Variants in KCNAB1 observed in about 807,000 individuals in gnomAD.
The protein encoded by KCNAB1 is voltage-gated potassium channel subunit beta-1.
Under a neutral mutation model 64.6 loss-of-function variants are expected in KCNAB1, and 35 were observed. The ratio of observed to expected loss-of-function variants is 0.54; its 90% CI spans 0.41 to 0.72. The LOEUF (loss-of-function observed/expected upper bound fraction) is 0.72. KCNAB1 is among the 30% of genes least tolerant of loss of function. KCNAB1 has a pLI of 0.00. For missense variants in KCNAB1, 401 were observed against 512.9 expected (o/e 0.78, Z 2.11); for synonymous variants, 177 against 183.8 (o/e 0.96, Z 0.30).
At chr3:156,211,798 C>A (rs1715025458) in intron 1 of KCNAB1, among the ~76,000 whole-genome samples, 1 of 152,172 alleles carries the variant, frequency 6.6e-6, no homozygotes, top group African/African-American at 2.4e-5. Context: ...ATGTGACAGT[C>A]CAGGTGGTGT....
chr3:156,305,050 C>G (rs1576700835), intron 1 of KCNAB1, among the ~76,000 whole-genome samples: 1 of 151,904 alleles, frequency 6.6e-6, no homozygotes, highest in South Asian at 2.1e-4. Flanking sequence ...ACTCGAGTAT[C>G]AGTTTACTTC....
chr3:156,428,841 G>T (rs190363142), intron 2 of KCNAB1, among the ~76,000 whole-genome samples: 9 of 152,210 alleles, frequency 5.9e-5, no homozygotes, highest in Admixed American at 5.2e-4. Context: ...GTGAAGGAGA[G>T]AAAGAACACC....
intron 2 of KCNAB1, among the ~76,000 whole-genome samples, chr3:156,439,300 A>C (rs1188284052): frequency 6.7e-6 from 1 of 149,912 alleles, no homozygotes; most frequent in Non-Finnish European, 1.5e-5. Flanking sequence ...GAGATAAACA[A>C]GTCTCAAAAT....
chr3:156,452,151 G>A lies in KCNAB1; in HGVS notation c.320-748G>A, dbSNP rs550650765. Reference sequence around the variant, plus strand: ...AGGGAATAAATCCTCCTTTTAGGAGGATCTATCCATAAAGGATGGAATGAA... The same window carrying A: ...AGGGAATAAATCCTCCTTTTAGGAGAATCTATCCATAAAGGATGGAATGAA... On this transcript the variant is annotated intron_variant, in intron 2 of 13. Coordinates refer to ENST00000490337, the MANE Select transcript of KCNAB1 (RefSeq NM_172160.3). The surrounding 1 kb of genome is among the most constrained non-coding windows in gnomAD (Gnocchi z 4.6). 7.2e-5 allele frequency among the ~76,000 whole-genome samples: 11 copies of A among 152,302 alleles called. No individual in the cohort carries two copies. In the East Asian group the frequency reaches 1.7e-3, roughly 24 times the overall value.
At chr3:156,143,365 G>A (rs779782736) in intron 1 of KCNAB1, 9 of 1,609,374 alleles carry the variant, frequency 5.6e-6, no homozygotes, top group Admixed American at 1.7e-5. Context: ...GTTTCTACGT[G>A]TTCATGGAAT....
rs1232444427 is a variant in KCNAB1, at chr3:156,452,335, C to G, written c.320-564C>G. On this transcript the variant is annotated intron_variant, in intron 2 of 13. Coordinates refer to ENST00000490337, the MANE Select transcript of KCNAB1 (RefSeq NM_172160.3). This position sits in a 1 kb window ranked among gnomAD's most constrained non-coding sequence, Gnocchi z 4.6. Reference sequence around the variant, plus strand: ...CTGCTGTCTCCACTCTCACCCAAACCAGTGGAGATTTCCATTCTGGAATGG... The same window carrying G: ...CTGCTGTCTCCACTCTCACCCAAACGAGTGGAGATTTCCATTCTGGAATGG... Among the ~76,000 whole-genome samples, 1 of 152,224 alleles carries G rather than the reference C, an allele frequency of 6.6e-6. No homozygotes were observed. Among genetic ancestry groups the G allele is most frequent in the Non-Finnish European group, 1.5e-5 (1 of 68,046 alleles).
chr3:156,238,028 A>G (rs1228029602), intron 1 of KCNAB1, among the ~76,000 whole-genome samples: 2 of 152,158 alleles, frequency 1.3e-5, no homozygotes, highest in Non-Finnish European at 2.9e-5. Flanking sequence ...TACTGAGAGG[A>G]TGAATGAGAC....
intron 13 of KCNAB1, 159 bp from the exon 14 acceptor site, chr3:156,536,496 AAGG>A (rs1719064699): frequency 3.2e-6 from 2 of 616,772 alleles, no homozygotes; most frequent in Non-Finnish European, 5.8e-6. Context: ...CCCTGACCTC[AAGG>A]AGCTTACAAT....
At chr3:156,419,241 G>A (rs766660889) in intron 1 of KCNAB1, among the ~76,000 whole-genome samples, 3 of 152,142 alleles carry the variant, frequency 2.0e-5, no homozygotes, top group Non-Finnish European at 4.4e-5. Context: ...GGTGGCTCAC[G>A]CCTGTAATCC....
intron 1 of KCNAB1, among the ~76,000 whole-genome samples, chr3:156,137,394 CTG>C (rs1160158534): frequency 6.6e-6 from 1 of 152,108 alleles, no homozygotes; most frequent in Non-Finnish European, 1.5e-5. Flanking sequence ...CTCCCATGCA[CTG>C]TAACATGCAC....
At chr3:156,419,619 G>T (rs1378615567) in intron 1 of KCNAB1, among the ~76,000 whole-genome samples, 1 of 151,728 alleles carries the variant, frequency 6.6e-6, no homozygotes, top group East Asian at 1.9e-4. Flanking sequence ...CCTACTGAAA[G>T]ACATTAAAAA....
At chr3:156,237,053 C>T (rs762348084) in intron 1 of KCNAB1, among the ~76,000 whole-genome samples, 4 of 152,056 alleles carry the variant, frequency 2.6e-5, no homozygotes, top group Admixed American at 6.6e-5. Flanking sequence ...TTTGTAAGGA[C>T]GGATGCATGT....
chr3:156,158,251 T>A (rs144181047), intron 1 of KCNAB1, among the ~76,000 whole-genome samples: 4 of 150,884 alleles, frequency 2.7e-5, no homozygotes, highest in African/African-American at 4.8e-5. Context: ...AAAATAAAAT[T>A]TAACATTAAT....
chr3:156,480,501 A>G (rs2108330351), intron 8 of KCNAB1, among the ~76,000 whole-genome samples: 1 of 152,118 alleles, frequency 6.6e-6, no homozygotes, highest in Middle Eastern at 3.4e-3. Context: ...CCTATGTAAC[A>G]AACTTGCACG....
intron 13 of KCNAB1, among the ~76,000 whole-genome samples, chr3:156,534,237 G>T (rs191034014): frequency 1.3e-5 from 2 of 152,164 alleles, no homozygotes; most frequent in Admixed American, 6.5e-5. Flanking sequence ...ACCAGCAGTT[G>T]TAAGAAAATA....
At chr3:156,519,705 C>A (rs537066243) in intron 11 of KCNAB1, among the ~76,000 whole-genome samples, 1 of 152,304 alleles carries the variant, frequency 6.6e-6, no homozygotes, top group Non-Finnish European at 1.5e-5. Context: ...CATGACTTTC[C>A]ATCTTCTCTA....
chr3:156,514,967 T>C lies in KCNAB1; in HGVS notation c.745-133T>C. The C allele has an allele frequency of 7.3e-6, 6 of 822,562 alleles. No homozygotes were observed. The South Asian group carries it at 1.6e-4, about 21-fold the overall frequency. The allele number at this position is 822,562 out of a possible 1,614,324, so 51.0% of individuals were successfully genotyped here. A position where few individuals can be genotyped will look rare whatever the true frequency, so the allele number is the denominator to read the frequency against. On this transcript the variant is annotated intron_variant, in intron 9 of 13. Coordinates refer to ENST00000490337, the MANE Select transcript of KCNAB1 (RefSeq NM_172160.3). ...TGAAATCGGTGGTGACAAATTTGCT[T>C]ATTATTTGGCATCCTACATGTTTCT...
chr3:156,404,674 G>C (rs1330296072), intron 1 of KCNAB1, among the ~76,000 whole-genome samples: 9 of 152,240 alleles, frequency 5.9e-5, no homozygotes, highest in African/African-American at 2.2e-4. Flanking sequence ...AACTATCCCA[G>C]CATCCCAGTG....
intron 7 of KCNAB1, among the ~76,000 whole-genome samples, chr3:156,468,190 A>G (rs984054566): frequency 2.6e-5 from 4 of 152,312 alleles, no homozygotes; most frequent in African/African-American, 9.6e-5. Flanking sequence ...TTATAGACCT[A>G]TAAACAAGAC....
Sources: allele counts gnomAD v4.1 joint callset (sites outside exome capture counted in the v4.1 genomes callset), GRCh38; gene constraint gnomAD v4.1.1; non-coding constraint Gnocchi (gnomAD v3.1); transcripts MANE v1.5; gene names NCBI Gene and HGNC (gene_info 2026-07-23, HGNC 2026-07-21).